CD80: variants seen among roughly 807,000 people sequenced by gnomAD.
CD80 encodes the protein T-lymphocyte activation antigen CD80.
A neutral mutation model predicts 27.1 loss-of-function variants in CD80; 13 were observed. That is an observed-to-expected ratio of 0.48 (90% CI 0.31 to 0.76). The LOEUF (loss-of-function observed/expected upper bound fraction) is 0.76, where lower values mean the gene tolerates loss of function less well. CD80 is among the 30% of genes least tolerant of loss of function. CD80 has a pLI of 0.04. For synonymous variants in CD80, 125 were observed against 125.5 expected, an observed-to-expected ratio of 1.00 and a Z score of 0.03; for missense variants, 277 against 347.9, an observed-to-expected ratio of 0.80 and a Z score of 1.62.
At chr3:119,533,808 T>C (rs2082122312) in intron 4 of CD80, among the ~76,000 whole-genome samples, 1 of 152,182 alleles carries the variant, frequency 6.6e-6, no homozygotes, top group African/African-American at 2.4e-5. Context: ...AAGGGACTAA[T>C]ACATTTTCAC....
chr3:119,548,981 G>A (rs2082215685), intron 2 of CD80, among the ~76,000 whole-genome samples: 1 of 152,130 alleles, frequency 6.6e-6, no homozygotes, highest in Non-Finnish European at 1.5e-5. Flanking sequence ...AGGTTGCAGT[G>A]AGCCAAGATC....
At chr3:119,534,663 T>C (rs914740234) in intron 4 of CD80, among the ~76,000 whole-genome samples, 1 of 152,226 alleles carries the variant, frequency 6.6e-6, no homozygotes, top group African/African-American at 2.4e-5. Flanking sequence ...ATCAGTACTC[T>C]ACTGTTTTCT....
chr3:119,536,079 A>G (rs1006521460), intron 4 of CD80, among the ~76,000 whole-genome samples: 5 of 151,812 alleles, frequency 3.3e-5, no homozygotes, highest in Non-Finnish European at 5.9e-5. Flanking sequence ...GTGAAACCCC[A>G]TCTCCACTAA....
chr3:119,554,946 C>T (rs2082254509), intron 2 of CD80, among the ~76,000 whole-genome samples: 1 of 152,206 alleles, frequency 6.6e-6, no homozygotes, highest in South Asian at 2.1e-4. Flanking sequence ...CTCTGTTCTT[C>T]AGTAACACTT....
chr3:119,545,404 A>G (rs1009209170), intron 2 of CD80, among the ~76,000 whole-genome samples: 1 of 152,188 alleles, frequency 6.6e-6, no homozygotes, highest in Non-Finnish European at 1.5e-5. Flanking sequence ...TTAAGTGTAC[A>G]GTTCAGTAAT....
intron 2 of CD80, among the ~76,000 whole-genome samples, chr3:119,551,757 C>T (rs1457103052): frequency 6.6e-6 from 1 of 152,198 alleles, no homozygotes; most frequent in Non-Finnish European, 1.5e-5. Flanking sequence ...GCTTTCTTAA[C>T]TTTAGAATGC....
At chr3:119,541,103 T>C (rs771518905) in intron 3 of CD80, among the ~76,000 whole-genome samples, 1 of 151,986 alleles carries the variant, frequency 6.6e-6, no homozygotes, top group Non-Finnish European at 1.5e-5. Flanking sequence ...CTAAACTCCA[T>C]CTCCCACCTT....
At chr3:119,556,190 T>C (rs1256370503) in intron 2 of CD80, among the ~76,000 whole-genome samples, 1 of 152,212 alleles carries the variant, frequency 6.6e-6, no homozygotes, top group African/African-American at 2.4e-5. Flanking sequence ...AAAACCAGGA[T>C]GTAGCTAGAG....
intron 3 of CD80, among the ~76,000 whole-genome samples, chr3:119,544,131 G>A (rs1255273493): frequency 6.6e-6 from 1 of 151,640 alleles, no homozygotes; most frequent in Admixed American, 6.6e-5. Context: ...CAAGTGATCC[G>A]CCTGCCTTGG....
At chr3:119,548,073 C>T (rs1243138812) in intron 2 of CD80, among the ~76,000 whole-genome samples, 3 of 152,110 alleles carry the variant, frequency 2.0e-5, no homozygotes, top group Non-Finnish European at 4.4e-5. Flanking sequence ...CCTCCACCCC[C>T]AGGTTCAAGC....
At chr3:119,557,016 A>T (rs2082268039) in intron 2 of CD80, among the ~76,000 whole-genome samples, 1 of 152,232 alleles carries the variant, frequency 6.6e-6, no homozygotes. Flanking sequence ...ATTAAAAATA[A>T]CTAAAAACAT....
chr3:119,525,229 A>C lies in CD80; in HGVS notation c.*559T>G, dbSNP rs182900553. ...CCAATAATATTTCCATTAGTCTCCT[A>C]AAGATGTTCATGCCATACTTCCTAT... On this transcript the variant is annotated 3_prime_UTR_variant, in exon 7 of 7. Transcript: ENST00000264246. 5.9e-5 allele frequency: 9 copies of C among 152,328 alleles called. No individual in the cohort carries two copies. Among genetic ancestry groups the C allele is most frequent in the Admixed American group, 5.2e-4 (8 of 15,292 alleles). The allele number at this position is 152,328 out of a possible 1,614,324, so 9.4% of individuals were successfully genotyped here.
intron 3 of CD80, among the ~76,000 whole-genome samples, chr3:119,544,077 G>A (rs71325385): frequency 0.026 from 3,987 of 151,636 alleles, 83 homozygotes; most frequent in Non-Finnish European, 0.035. Flanking sequence ...TAGTAGGGAC[G>A]GAGTTTCGCT....
At chr3:119,539,955 G>A (rs527172) in intron 3 of CD80, among the ~76,000 whole-genome samples, 35,453 of 152,108 alleles carry the variant, frequency 0.23, 4,301 homozygotes, top group Middle Eastern at 0.3. Flanking sequence ...AAATCACTTA[G>A]CACAGAGCCT....
intron 2 of CD80, among the ~76,000 whole-genome samples, chr3:119,546,815 A>AACACAC (rs10661634): frequency 2.4e-3 from 355 of 149,362 alleles, no homozygotes; most frequent in Middle Eastern, 3.5e-3. Context: ...GTGATGCAAC[A>AACACAC]ACACACACAC....
chr3:119,557,022 A>G (rs1300270802), intron 2 of CD80, among the ~76,000 whole-genome samples: 2 of 152,230 alleles, frequency 1.3e-5, no homozygotes, highest in African/African-American at 4.8e-5. Context: ...AATAACTAAA[A>G]ACATAATTTT....
chr3:119,525,868 GTATA>G (rs1274731022), intron 6 of CD80, 119 bp from the exon 7 acceptor site: 1 of 141,894 alleles, frequency 7.0e-6, no homozygotes, highest in African/African-American at 2.7e-5. Context: ...ATGTATATAT[GTATA>G]TATAATTTAA....
chr3:119,542,720 TTAGTTTA>T (rs1402123023), intron 3 of CD80, among the ~76,000 whole-genome samples: 2 of 152,200 alleles, frequency 1.3e-5, no homozygotes, highest in Admixed American at 1.3e-4. Context: ...TGGTAGAAAC[TTAGTTTA>T]TAGTTTATAG....
intron 2 of CD80, among the ~76,000 whole-genome samples, chr3:119,549,152 A>G (rs1044206843): frequency 3.3e-5 from 5 of 152,164 alleles, no homozygotes; most frequent in Admixed American, 6.5e-5. Flanking sequence ...GACTATTTCT[A>G]CCATCTTCAG....
Sources: gnomAD v4.1 joint callset for allele counts (sites outside exome capture counted in the v4.1 genomes callset) on GRCh38, gnomAD v4.1.1 for gene constraint, MANE v1.5 for transcripts, NCBI Gene and HGNC (gene_info 2026-07-23, HGNC 2026-07-21) for gene names.